The following NRK variants were observed in gnomAD, a reference collection of about 807,000 sequenced individuals.
NRK encodes the protein Nik related kinase, also known as nik-related protein kinase.
A neutral mutation model predicts 125.2 loss-of-function variants in NRK; 67 were observed. That is an observed-to-expected ratio of 0.54 (90% CI 0.44 to 0.66). The LOEUF is 0.66. Among genes scored for constraint, NRK ranks in the 30% least tolerant of loss-of-function variants. The pLI, the probability that NRK is intolerant of heterozygous loss-of-function variation, is 0.00. For synonymous variants in NRK, 458 were observed against 429.0 expected (o/e 1.07, Z -0.84); for missense variants, 1,224 against 1,192.9 (o/e 1.03, Z -0.38).
chrX:105,853,003 C>T (rs1282659795), intron 2 of NRK, among the ~76,000 whole-genome samples: 1 of 111,906 alleles, frequency 8.9e-6, no homozygotes, highest in East Asian at 2.8e-4. Flanking sequence ...GTTTTTTCCA[C>T]CTCCTCTGGC....
At chrX:105,908,639 A>G in intron 12 of NRK, 88 bp from the exon 13 acceptor site, 1 of 1,086,685 alleles carries the variant, frequency 9.2e-7, no homozygotes, top group Non-Finnish European at 1.2e-6. Flanking sequence ...GAAAATGTCC[A>G]TCTTTTAAAG....
chrX:105,928,532 G>T (rs145636454), intron 19 of NRK, among the ~76,000 whole-genome samples: 1 of 110,176 alleles, frequency 9.1e-6, no homozygotes, highest in East Asian at 2.9e-4. Flanking sequence ...TATTAATTTG[G>T]GGTTTGGTTT....
At chrX:105,839,913 G>A (rs1258197127) in intron 2 of NRK, among the ~76,000 whole-genome samples, 1 of 111,458 alleles carries the variant, frequency 9.0e-6, no homozygotes, top group Non-Finnish European at 1.9e-5. Flanking sequence ...GTCTAATGAA[G>A]CTTCTAAAGA....
chrX:105,875,756 A>T (rs1248938972), intron 2 of NRK, among the ~76,000 whole-genome samples: 1 of 110,792 alleles, frequency 9.0e-6, no homozygotes, highest in Non-Finnish European at 1.9e-5. Context: ...TCTAAATGCC[A>T]ATAGACTTGA....
chrX:105,946,015 G>T lies in NRK; in HGVS notation c.4203G>T (p.Lys1401Asn). ...AGCTCCTTCATTTGCTGAAGCTCAA[G>T]GCAAGGAACTTGAAGACAGCAAACA... ...PDELLHLLKL[K>N]VFPTLDHKPV... The change falls in exon 25 of 29, where the codon AAG becomes AAT. Residue 1401 changes from lysine (K) to asparagine (N), a missense_variant and splice_region_variant. Physicochemically the swap from Lys to Asn is moderately conservative, Grantham distance 94. Transcript: ENST00000243300. 1 of 1,207,030 alleles carries T rather than the reference G, an allele frequency of 8.3e-7. No homozygotes were observed. Among genetic ancestry groups the T allele is most frequent in the Non-Finnish European group, 1.1e-6 (1 of 892,486 alleles).
chrX:105,832,363 T>C (rs1486538273), intron 2 of NRK, among the ~76,000 whole-genome samples: 2 of 111,283 alleles, frequency 1.8e-5, no homozygotes, highest in Non-Finnish European at 3.8e-5. Context: ...TGGGGTGCTT[T>C]AGTAGCCATA....
At chrX:105,923,812 T>C (rs1303636225) in intron 18 of NRK, among the ~76,000 whole-genome samples, 1 of 103,097 alleles carries the variant, frequency 9.7e-6, no homozygotes, top group South Asian at 4.5e-4. Flanking sequence ...ACAAAGAAAG[T>C]GTGTAACTTA....
chrX:105,862,582 T>C (rs1417288872), intron 2 of NRK, among the ~76,000 whole-genome samples: 1 of 112,599 alleles, frequency 8.9e-6, no homozygotes, highest in African/African-American at 3.2e-5. Flanking sequence ...TTATTTTGGT[T>C]GAGATTATCC....
chrX:105,862,493 A>G (rs561898674), intron 2 of NRK, among the ~76,000 whole-genome samples: 1 of 112,026 alleles, frequency 8.9e-6, no homozygotes, highest in South Asian at 3.7e-4. Context: ...AAAAATAAAA[A>G]TAATAGGAAA....
intron 4 of NRK, among the ~76,000 whole-genome samples, chrX:105,885,287 C>T (rs2039929445): frequency 8.9e-6 from 1 of 111,882 alleles, no homozygotes; most frequent in South Asian, 3.7e-4. Context: ...AGAATCACTT[C>T]CTGAGTCATC....
chrX:105,945,798 A>T (rs1602701996), intron 24 of NRK, 74 bp from the exon 25 acceptor site: 1 of 960,049 alleles, frequency 1.0e-6, no homozygotes, highest in East Asian at 3.1e-5. Context: ...TTTGGACTAG[A>T]AACCATAGGA....
chrX:105,892,057 A>G (rs1007571348), intron 5 of NRK, among the ~76,000 whole-genome samples: 8 of 111,926 alleles, frequency 7.1e-5, no homozygotes, highest in Admixed American at 4.8e-4. Flanking sequence ...CATTCAACAT[A>G]TATCAATTGA....
intron 2 of NRK, among the ~76,000 whole-genome samples, chrX:105,866,378 C>A (rs984632740): frequency 2.7e-5 from 3 of 110,847 alleles, no homozygotes; most frequent in Non-Finnish European, 5.7e-5. Context: ...ATATTGAATT[C>A]TGAATCAAGA....
intron 2 of NRK, among the ~76,000 whole-genome samples, chrX:105,839,160 T>C (rs901939690): frequency 1.1e-4 from 12 of 111,303 alleles, no homozygotes; most frequent in African/African-American, 3.9e-4. Context: ...ACTAGGCCTA[T>C]TGGATGGGGG....
At chrX:105,881,092 A>G (rs1027726822) in intron 3 of NRK, among the ~76,000 whole-genome samples, 2 of 111,351 alleles carry the variant, frequency 1.8e-5, no homozygotes, top group Non-Finnish European at 3.8e-5. Context: ...AAATCTGCAC[A>G]TTCTGCACAT....
intron 16 of NRK, among the ~76,000 whole-genome samples, chrX:105,918,229 T>A (rs2147760192): frequency 9.0e-6 from 1 of 111,582 alleles, no homozygotes; most frequent in Non-Finnish European, 1.9e-5. Flanking sequence ...AAAAGTATTT[T>A]AAGATGTGCT....
intron 7 of NRK, among the ~76,000 whole-genome samples, chrX:105,895,738 A>G (rs1456142550): frequency 1.8e-5 from 2 of 111,784 alleles, no homozygotes; most frequent in East Asian, 5.6e-4. Flanking sequence ...CTTTGAAATC[A>G]TGTAGATAAA....
chrX:105,849,187 T>C (rs968440089), intron 2 of NRK, among the ~76,000 whole-genome samples: 3 of 111,692 alleles, frequency 2.7e-5, no homozygotes, highest in Non-Finnish European at 5.6e-5. Context: ...ACTTCTTGCA[T>C]GGTGGCGGCA....
At chrX:105,937,806 CACA>C (rs1042932891) in intron 22 of NRK, among the ~76,000 whole-genome samples, 7 of 111,333 alleles carry the variant, frequency 6.3e-5, no homozygotes, top group Admixed American at 4.8e-4. Flanking sequence ...TAAGAAAAAC[CACA>C]ACATTTGCAT....
Sources: allele counts gnomAD v4.1 joint callset (sites outside exome capture counted in the v4.1 genomes callset), GRCh38; gene constraint gnomAD v4.1.1; transcripts MANE v1.5; gene names NCBI Gene and HGNC (gene_info 2026-07-23, HGNC 2026-07-21).